Variants in CP observed in about 807,000 individuals in gnomAD.
CP encodes the protein ceruloplasmin, also known as caeruloplasmin.
In CP, 64 loss-of-function variants were observed where a neutral mutation model predicts 122.4. The ratio of observed to expected loss-of-function variants is 0.52; its 90% CI spans 0.43 to 0.64. The LOEUF (loss-of-function observed/expected upper bound fraction) is 0.64. Ranked by LOEUF, CP falls within the 30% of genes least tolerant of loss-of-function variation. The probability of loss-of-function intolerance (pLI) is 0.00; values close to 1 mark genes in which losing one functional copy is unlikely to be tolerated. For missense variants in CP, 1,167 were observed against 1,284.4 expected (o/e 0.91, Z 1.40); for synonymous variants, 440 against 436.4 (o/e 1.01, Z -0.10).
intron 12 of CP, among the ~76,000 whole-genome samples, chr3:149,184,809 G>A (rs144484684): frequency 6.6e-6 from 1 of 152,136 alleles, no homozygotes; most frequent in Non-Finnish European, 1.5e-5. Context: ...TATTCCATAC[G>A]TAACGGTTTT....
intron 2 of CP, 70 bp from the exon 3 acceptor site, chr3:149,210,449 A>G: frequency 2.3e-6 from 3 of 1,285,698 alleles, no homozygotes; most frequent in Non-Finnish European, 3.4e-6. Flanking sequence ...TAGATAGTCC[A>G]TTAATTCATT....
intron 7 of CP, 45 bp from the exon 8 acceptor site, chr3:149,199,909 T>C: frequency 6.3e-7 from 1 of 1,582,182 alleles, no homozygotes; most frequent in Non-Finnish European, 8.7e-7. Flanking sequence ...GTATGTAACA[T>C]GCAGAATGTA....
chr3:149,169,377 C>T (rs1367572223), downstream of CP, among the ~76,000 whole-genome samples: 2 of 152,074 alleles, frequency 1.3e-5, no homozygotes, highest in Non-Finnish European at 2.9e-5. Flanking sequence ...TTTCTAATGT[C>T]GTGAGACTAA....
At chr3:149,164,705 A>C (rs1353846196) in intron 5 of CP, among the ~76,000 whole-genome samples, 1 of 152,158 alleles carries the variant, frequency 6.6e-6, no homozygotes, top group African/African-American at 2.4e-5. Flanking sequence ...CCGTTAACCC[A>C]AGGCCCTCAT....
At chr3:149,201,228 A>G (rs1727289473) in intron 7 of CP, among the ~76,000 whole-genome samples, 1 of 151,962 alleles carries the variant, frequency 6.6e-6, no homozygotes, top group African/African-American at 2.4e-5. Flanking sequence ...AGTTCACGCC[A>G]TTCTCCTGCC....
At chr3:149,183,996 T>G (rs1725962640) in intron 12 of CP, among the ~76,000 whole-genome samples, 1 of 148,962 alleles carries the variant, frequency 6.7e-6, no homozygotes, top group African/African-American at 2.4e-5. Flanking sequence ...GAAATGGACA[T>G]CTTTTCCCAG....
chr3:149,181,609 T>C (rs2108225122), intron 14 of CP, among the ~76,000 whole-genome samples: 1 of 152,224 alleles, frequency 6.6e-6, no homozygotes, highest in East Asian at 1.9e-4. Context: ...CTGTACTAGA[T>C]AGGGGGAATT....
chr3:149,162,979 C>G lies in CP; in HGVS notation c.*14-104G>C, dbSNP rs1218500885. 12 of 1,003,276 alleles carry G rather than the reference C, an allele frequency of 1.2e-5. No homozygotes were observed. In the East Asian group the frequency reaches 1.6e-4, roughly 13 times the overall value. The allele number at this position is 1,003,276 out of a possible 1,614,324, so 62.1% of individuals were successfully genotyped here. A position where few individuals can be genotyped will look rare whatever the true frequency, so the allele number is the denominator to read the frequency against. On this transcript the variant is annotated intron_variant, in intron 5 of 5. Coordinates refer to the CP transcript ENST00000479771. ...TTATTATAAAATCTAACCTAGTTTT[C>G]TATTACCAGGTATCTTATTTATGCA...
intron 9 of CP, among the ~76,000 whole-genome samples, chr3:149,196,034 C>A (rs1221132966): frequency 6.6e-6 from 1 of 152,096 alleles, no homozygotes; most frequent in African/African-American, 2.4e-5. Context: ...TGGAGAAGAA[C>A]TATTCCAAGT....
downstream of CP, chr3:149,167,739 C>T (rs1724568556): frequency 3.0e-6 from 2 of 661,616 alleles, no homozygotes. Context: ...AGAAGACTGG[C>T]TGCTGATATA....
chr3:149,186,165 T>C, intron 11 of CP: 1 of 342,206 alleles, frequency 2.9e-6, no homozygotes, highest in Non-Finnish European at 5.6e-6. Context: ...TACAGAGACA[T>C]GATGAAAAGT....
At chr3:149,176,039 T>C (rs972168205) in intron 18 of CP, 1 of 579,150 alleles carries the variant, frequency 1.7e-6, no homozygotes, top group Non-Finnish European at 3.1e-6. Context: ...CTGGTGCTGT[T>C]ACAAGTACTG....
intron 6 of CP, among the ~76,000 whole-genome samples, chr3:149,204,768 C>T (rs1727590366): frequency 6.6e-6 from 1 of 152,076 alleles, no homozygotes; most frequent in African/African-American, 2.4e-5. Flanking sequence ...ATCTCATTGA[C>T]ATTTTTGAAA....
At chr3:149,181,343 C>T (rs1725763742) in intron 14 of CP, among the ~76,000 whole-genome samples, 2 of 152,178 alleles carry the variant, frequency 1.3e-5, no homozygotes, top group Admixed American at 1.3e-4. Context: ...TTCATTACTT[C>T]TCAAACTTTA....
intron 5 of CP, 139 bp from the exon 6 acceptor site, chr3:149,206,478 A>G: frequency 1.0e-6 from 1 of 960,688 alleles, no homozygotes; most frequent in Non-Finnish European, 1.6e-6. Context: ...ACTAGGGCAG[A>G]CAGCTGTAAA....
chr3:149,217,803 C>A, intron 1 of CP: 2 of 281,804 alleles, frequency 7.1e-6, no homozygotes, highest in Non-Finnish European at 1.5e-5. Flanking sequence ...GTGAAATGAA[C>A]ACTTATTGAA....
chr3:149,176,844 C>G (rs1725453420), intron 17 of CP: 3 of 159,920 alleles, frequency 1.9e-5, no homozygotes, highest in Non-Finnish European at 4.1e-5. Context: ...CTGATGAAAA[C>G]GACAAAAACC....
chr3:149,211,487 A>T (rs1236928607), intron 2 of CP, among the ~76,000 whole-genome samples: 2 of 152,192 alleles, frequency 1.3e-5, no homozygotes, highest in East Asian at 1.9e-4. Flanking sequence ...CACCTTTTTT[A>T]CCATCATTGT....
At chr3:149,186,396 T>A in intron 11 of CP, 124 bp downstream of exon 11, 1 of 890,908 alleles carries the variant, frequency 1.1e-6, no homozygotes, top group South Asian at 1.4e-5. Context: ...CTTTCAAAGA[T>A]AGGAAGGGCA....
Sources: allele counts gnomAD v4.1 joint callset (sites outside exome capture counted in the v4.1 genomes callset), GRCh38; gene constraint gnomAD v4.1.1; transcripts MANE v1.5; gene names NCBI Gene and HGNC (gene_info 2026-07-23, HGNC 2026-07-21).